Variants in RBM23 observed in about 807,000 individuals in gnomAD.
RBM23 encodes probable RNA-binding protein 23.
RBM23 carries 53 observed loss-of-function variants against 56.2 expected under a neutral mutation model. That is an observed-to-expected ratio of 0.94 (90% CI 0.76 to 1.19). The LOEUF is 1.19. Among genes scored for constraint, RBM23 ranks in the 50% most tolerant of loss-of-function variants. RBM23 has a pLI of 0.00. For synonymous variants in RBM23, 197 were observed against 198.5 expected, an observed-to-expected ratio of 0.99 and a Z score of 0.06; for missense variants, 642 against 590.3, an observed-to-expected ratio of 1.09 and a Z score of -0.91.
chr14:22,913,435 A>T (rs920860441), intron 1 of RBM23, among the ~76,000 whole-genome samples: 8 of 151,038 alleles, frequency 5.3e-5, no homozygotes, highest in Middle Eastern at 3.2e-3. Flanking sequence ...AAAAAAATTA[A>T]AAAAAATTAA....
chr14:22,906,864 C>T (rs866534996), intron 4 of RBM23, among the ~76,000 whole-genome samples: 2 of 151,902 alleles, frequency 1.3e-5, no homozygotes, highest in Non-Finnish European at 2.9e-5. Flanking sequence ...CATGGAGAAA[C>T]TCCGTCTCTA....
At position 22,902,005 on chromosome 14, in the gene RBM23, C is replaced by T. The variant is rs747181682; in HGVS notation, c.1221G>A (p.Gly407=). 3.7e-6 allele frequency: 6 copies of T among 1,612,144 alleles called. No individual in the cohort carries two copies. Among genetic ancestry groups the T allele is most frequent in the East Asian group, 2.2e-5 (1 of 44,836 alleles). The change falls in exon 12 of 14, where the codon GGG becomes GGA. Residue 407 remains glycine (G), a synonymous_variant. Transcript: ENST00000359890. ...ALQLNGAVPL[G]ALNPAALTAL... ...CAGTCAGAGCTGCTGGATTCAGGGC[C>T]CCCAAGGGAACTGCTCCATTCAGTT...
chr14:22,911,217 T>C (rs1306768076), intron 2 of RBM23, 111 bp downstream of exon 2: 5 of 869,158 alleles, frequency 5.8e-6, no homozygotes, highest in Non-Finnish European at 9.4e-6. Flanking sequence ...TTATTCTACA[T>C]AATAAATAAG....
At position 22,896,914 on chromosome 14, in the gene RBM23, G is replaced by C. The variant is rs2040257304; in HGVS notation, c.*4816C>G. On this transcript the variant is annotated 3_prime_UTR_variant, in exon 14 of 14. Transcript: ENST00000359890. ...TTCAGATATGCAGCTTCTCAGACCGGAATTCCTTTCCTGCATCCAGCTCGT... is the reference window on the plus strand; with the variant it reads ...TTCAGATATGCAGCTTCTCAGACCGCAATTCCTTTCCTGCATCCAGCTCGT... 1 of 152,192 alleles carries C rather than the reference G, an allele frequency of 6.6e-6. No individual in the cohort carries two copies. Among genetic ancestry groups the C allele is most frequent in the African/African-American group, 2.4e-5 (1 of 41,446 alleles). 9.4% of individuals were successfully genotyped at this position (152,192 alleles called of 1,614,324 possible).
In RBM23 at chr14:22,904,941, A is replaced by G. The variant is rs2138948500; in HGVS notation, c.798T>C (p.Tyr266=). The G allele has an allele frequency of 6.2e-7, 1 of 1,614,232 alleles. No homozygotes were observed. The highest frequency in any genetic ancestry group is 1.1e-5 in the South Asian group (1 of 91,078). ...QKGNGGPMRL[Y]VGSLHFNITE... ...TGATATTGAAGTGCAGGGAACCCAC[A>G]TAGAGGCGCATTGGTCCACCATTGC... The change falls in exon 9 of 14, where the codon TAT becomes TAC. Residue 266 remains tyrosine (Y), a synonymous_variant. Transcript: ENST00000359890.
Position 22,894,963 on chromosome 14 carries a change from C to T in RBM23, c.*6767G>A, listed in dbSNP as rs1245015269. 6.6e-6 allele frequency: 1 copy of T among 151,120 alleles called. No individual in the cohort carries two copies. Among genetic ancestry groups the T allele is most frequent in the Admixed American group, 6.6e-5 (1 of 15,190 alleles). 9.4% of individuals were successfully genotyped at this position (151,120 alleles called of 1,614,324 possible). A position where few individuals can be genotyped will look rare whatever the true frequency, so the allele number is the denominator to read the frequency against. On this transcript the variant is annotated 3_prime_UTR_variant, in exon 14 of 14. Coordinates refer to ENST00000359890, the MANE Select transcript of RBM23 (RefSeq NM_001077351.2). ...GCTGAGGCAGGAGAATGGCATGAAC[C>T]TGGGAGGCAGAGCTTGCAGTGACCC...
At chr14:22,905,836 C>A in intron 5 of RBM23, 177 bp from the exon 6 acceptor site, 2 of 617,790 alleles carry the variant, frequency 3.2e-6, no homozygotes, top group Admixed American at 2.9e-5. Flanking sequence ...GCAACCTTTG[C>A]CTCCCAGGCT....
rs1432135378 is a variant in RBM23 at position 22,904,298 on chromosome 14, G to A, written c.893C>T (p.Ser298Leu). 6.2e-7 allele frequency: 1 copy of A among 1,612,282 alleles called. No individual in the cohort carries two copies. Among genetic ancestry groups the A allele is most frequent in the Admixed American group, 1.7e-5 (1 of 59,984 alleles). ...KIDNIVLMKD[S>L]DTGRSKGYGF... ...ATAACCTTTAGAGCGGCCTGTATCT[G>A]AGTCCTTCATCAGGACAATATTATC... is the stretch of plus-strand genomic sequence containing the variant. Residue 298 changes from serine (S) to leucine (L), a missense_variant, in exon 10 of 14, where the codon TCA becomes TTA. Coordinates refer to ENST00000359890, the MANE Select transcript of RBM23 (RefSeq NM_001077351.2).
intron 4 of RBM23, 86 bp from the exon 5 acceptor site, chr14:22,906,454 A>T: frequency 6.7e-7 from 1 of 1,483,246 alleles, no homozygotes; most frequent in Non-Finnish European, 9.3e-7. Context: ...CCATAAGATT[A>T]TAACGGTGCT....
chr14:22,906,955 C>T (rs1364527648), intron 4 of RBM23, among the ~76,000 whole-genome samples: 1 of 152,316 alleles, frequency 6.6e-6, no homozygotes, highest in East Asian at 1.9e-4. Flanking sequence ...GGGTGGATCA[C>T]TTGAGATCAG....
Position 22,902,246 on chromosome 14 carries a change from T to C in RBM23, c.1067A>G (p.Gln356Arg). The C allele has an allele frequency of 1.2e-6, 2 of 1,614,234 alleles. No individual in the cohort carries two copies. Among genetic ancestry groups the C allele is most frequent in the Non-Finnish European group, 8.5e-7 (1 of 1,180,046 alleles). ...GTDITFPDGD[Q>R]ELDLGSAGGR... ...ACCTGCTGATCCCAGATCCAGCTCCTGGTCCCCATCAGGAAAAGTGATGTC... is the reference window on the plus strand; with the variant it reads ...ACCTGCTGATCCCAGATCCAGCTCCCGGTCCCCATCAGGAAAAGTGATGTC... Residue 356 changes from glutamine to arginine, a missense_variant, in exon 11 of 14, where the codon CAG becomes CGG. Transcript: ENST00000359890.
In RBM23 at chr14:22,911,431, ATC is replaced by A. The variant is rs534209204; in HGVS notation, c.-10-30_-10-29del. On this transcript the variant is annotated intron_variant, in intron 1 of 13. Transcript: ENST00000359890. The stretch of plus-strand genomic sequence containing the variant: ...GGGGAGAGGATATTAATATGTAAGA[ATC>A]TGTTTTATATTTTTCCTCCCTTTCC... 5.0e-3 allele frequency: 7,864 copies of A among 1,573,226 alleles called. 33 individuals carry two copies. The highest frequency in any genetic ancestry group is 5.6e-3 in the Non-Finnish European group (6,409 of 1,146,640).
At position 22,908,271 on chromosome 14, in the gene RBM23, T is replaced by C. The variant is rs2041900865; in HGVS notation, c.227+62A>G. On this transcript the variant is annotated intron_variant, in intron 4 of 13. Transcript: ENST00000359890. ...CCTGGCCTGAAGTGATCCTCCCGCC[T>C]TGGCTTCCAAAGTGCTAGGATTAAA... 3.9e-6 allele frequency: 6 copies of C among 1,528,010 alleles called. No individual in the cohort carries two copies. The African/African-American group carries it at 5.5e-5, about 14-fold the overall frequency. 94.7% of individuals were successfully genotyped at this position (1,528,010 alleles called of 1,614,324 possible).
chr14:22,893,673 G>C lies in RBM23; in HGVS notation c.*8057C>G, dbSNP rs1232165247. On this transcript the variant is annotated 3_prime_UTR_variant, in exon 14 of 14. Transcript: ENST00000359890. The stretch of plus-strand genomic sequence containing the variant: ...TGAGCAAATGCACAGAGAAGAAACA[G>C]TGGGCAGCCCACCACATGAGGAAAA... 6.6e-6 allele frequency: 1 copy of C among 152,208 alleles called. No individual in the cohort carries two copies. The highest frequency in any genetic ancestry group is 1.5e-5 in the Non-Finnish European group (1 of 68,044). The allele number at this position is 152,208 out of a possible 1,614,324, so 9.4% of individuals were successfully genotyped here. A position where few individuals can be genotyped will look rare whatever the true frequency, so the allele number is the denominator to read the frequency against.
chr14:22,910,145 C>CT (rs1156833973), intron 2 of RBM23, among the ~76,000 whole-genome samples: 2 of 38,056 alleles, frequency 5.3e-5, no homozygotes, highest in African/African-American at 1.6e-4. Context: ...TAGTGAGACT[C>CT]TGTCTCAAAA....
In RBM23 at chr14:22,906,346, A is replaced by ACCGATC; in HGVS notation, c.244_249dup (p.Asp82_Arg83dup). The ACCGATC allele has an allele frequency of 6.2e-7, 1 of 1,614,160 alleles. No homozygotes were observed. The highest frequency in any genetic ancestry group is 8.5e-7 in the Non-Finnish European group (1 of 1,180,038). On this transcript the variant is annotated inframe_insertion, in exon 5 of 14. Transcript: ENST00000359890. ...CGGCTCCGACTATTTCTCCGTCTAT[A>ACCGATC]CCGATCCCGATCTCGACTACGACTA...
Position 22,901,545 on chromosome 14 carries a change from T to C in RBM23, c.*185A>G. On this transcript the variant is annotated 3_prime_UTR_variant, in exon 14 of 14. Coordinates refer to ENST00000359890, the MANE Select transcript of RBM23 (RefSeq NM_001077351.2). ...TGGTGGCTTTGCTCAGCAGAGTCCATTTCCAGTGGGACCATGGGCAGGAGC... is the reference window on the plus strand; with the variant it reads ...TGGTGGCTTTGCTCAGCAGAGTCCACTTCCAGTGGGACCATGGGCAGGAGC... 2.4e-6 allele frequency: 2 copies of C among 826,304 alleles called. No homozygotes were observed. Among genetic ancestry groups the C allele is most frequent in the Non-Finnish European group, 3.8e-6 (2 of 522,196 alleles). The allele number at this position is 826,304 out of a possible 1,614,324, so 51.2% of individuals were successfully genotyped here. A position where few individuals can be genotyped will look rare whatever the true frequency, so the allele number is the denominator to read the frequency against.
At chr14:22,913,441 A>T (rs748626352) in intron 1 of RBM23, among the ~76,000 whole-genome samples, 69 of 149,266 alleles carry the variant, frequency 4.6e-4, no homozygotes, top group Middle Eastern at 7.0e-3. Flanking sequence ...ATTAAAAAAA[A>T]TTAAAAGGGC....
intron 10 of RBM23, 167 bp downstream of exon 10, chr14:22,904,094 A>C (rs555453267): frequency 2.6e-6 from 4 of 1,532,484 alleles, no homozygotes; most frequent in Admixed American, 2.0e-5. Flanking sequence ...CAAGATCTCA[A>C]GCAATGCACT....
Sources: allele counts gnomAD v4.1 joint callset (sites outside exome capture counted in the v4.1 genomes callset), GRCh38; gene constraint gnomAD v4.1.1; transcripts MANE v1.5; gene names NCBI Gene and HGNC (gene_info 2026-07-23, HGNC 2026-07-21).